The following GPX5 variants were observed in gnomAD, a reference collection of about 807,000 sequenced individuals.
The protein encoded by GPX5 is glutathione peroxidase 5, also known as epididymal secretory glutathione peroxidase.
In GPX5, 20 loss-of-function variants were observed where a neutral mutation model predicts 23.8. The ratio of observed to expected loss-of-function variants is 0.84; its 90% CI spans 0.59 to 1.22. The LOEUF is 1.22. GPX5 is among the 50% of genes most tolerant of loss of function. GPX5 has a pLI of 0.00. For missense variants in GPX5, 230 were observed against 266.6 expected (o/e 0.86, Z 0.96); for synonymous variants, 92 against 99.5 (o/e 0.92, Z 0.45).
rs1028087108 is a variant in GPX5 at position 28,526,088 on chromosome 6, G to A, written c.75G>A (p.Gln25=). 6.2e-7 allele frequency: 1 copy of A among 1,612,660 alleles called. No individual in the cohort carries two copies. Among genetic ancestry groups the A allele is most frequent in the Non-Finnish European group, 8.5e-7 (1 of 1,179,758 alleles). ...GCTTTGTGCAAACAAGTCCCAAGCA[G>A]GAGAAGATGAAGGTGAGTGAGCTTC... ...LACFVQTSPK[Q]EKMKMDCHKD... The change falls in exon 1 of 5, where the codon CAG becomes CAA. Residue 25 remains glutamine (Q), a synonymous_variant. Coordinates refer to ENST00000412168, the MANE Select transcript of GPX5 (RefSeq NM_001509.3).
At position 28,531,394 on chromosome 6, in the gene GPX5, GA is replaced by G. The variant is rs1333924196; in HGVS notation, c.242-380del. On this transcript the variant is annotated intron_variant, in intron 2 of 4. Transcript: ENST00000412168. ...TCAAAAAAAAAAAAAAAAAAAAAAA[GA>G]AAAGAAAAGAAAAGAAAAGAAAAGA... Among the ~76,000 whole-genome samples, 7 of 45,918 alleles carry G rather than the reference GA, an allele frequency of 1.5e-4. No homozygotes were observed. The South Asian group carries it at 3.9e-3, about 26-fold the overall frequency. 30.1% of individuals were successfully genotyped at this position (45,918 alleles called of 152,430 possible). A position where few individuals can be genotyped will look rare whatever the true frequency, so the allele number is the denominator to read the frequency against.
At chr6:28,533,831 G>GT in intron 4 of GPX5, 130 bp from the exon 5 acceptor site, 1 of 567,992 alleles carries the variant, frequency 1.8e-6, no homozygotes. Flanking sequence ...AATTTATGGA[G>GT]TTTTTTAGGA....
chr6:28,531,380 AAAAAAAAAAAAAAGAAAAG>A lies in GPX5; in HGVS notation c.242-393_242-375del, dbSNP rs1253041386. On this transcript the variant is annotated intron_variant, in intron 2 of 4. Coordinates refer to ENST00000412168, the MANE Select transcript of GPX5 (RefSeq NM_001509.3). Reference sequence around the variant, plus strand: ...AGTGAGAATCTGTCTCAAAAAAAAAAAAAAAAAAAAAAAGAAAAGAAAAGAAAAGAAAAGAAAAGAAAAG... The same window carrying A: ...AGTGAGAATCTGTCTCAAAAAAAAAAAAAAGAAAAGAAAAGAAAAGAAAAG... Among the ~76,000 whole-genome samples the A allele has an allele frequency of 2.0e-4, 27 of 133,994 alleles. 1 individual carries two copies. The highest frequency in any genetic ancestry group is 7.4e-4 in the African/African-American group (26 of 34,900). 87.9% of individuals were successfully genotyped at this position (133,994 alleles called of 152,430 possible). A position where few individuals can be genotyped will look rare whatever the true frequency, so the allele number is the denominator to read the frequency against.
chr6:28,530,776 G>A (rs1763297598), intron 2 of GPX5, among the ~76,000 whole-genome samples: 1 of 152,212 alleles, frequency 6.6e-6, no homozygotes, highest in Non-Finnish European at 1.5e-5. Context: ...GACATAGGGA[G>A]GGGTACTGAG....
chr6:28,532,194 A>G (rs1489446280), intron 3 of GPX5, 127 bp from the exon 4 acceptor site: 4 of 666,410 alleles, frequency 6.0e-6, no homozygotes, highest in Non-Finnish European at 1.0e-5. Context: ...ACATGGCCAT[A>G]TTCCTCCCCA....
intron 2 of GPX5, among the ~76,000 whole-genome samples, chr6:28,531,190 G>A (rs1357302272): frequency 7.5e-6 from 1 of 132,660 alleles, no homozygotes; most frequent in Non-Finnish European, 1.7e-5. Context: ...CTAACATGGC[G>A]AAACCCCGTC....
At chr6:28,532,676 C>T (rs1182666198) in intron 4 of GPX5, among the ~76,000 whole-genome samples, 1 of 152,220 alleles carries the variant, frequency 6.6e-6, no homozygotes, top group African/African-American at 2.4e-5. Context: ...CTCTTTTGCT[C>T]ATTGACATTC....
chr6:28,526,658 A>T (rs1160311260), intron 1 of GPX5, among the ~76,000 whole-genome samples: 1 of 152,224 alleles, frequency 6.6e-6, no homozygotes, highest in Non-Finnish European at 1.5e-5. Context: ...TCTATGCCCA[A>T]TTCATGGCTC....
intron 1 of GPX5, among the ~76,000 whole-genome samples, chr6:28,526,377 A>G (rs1203987540): frequency 6.6e-6 from 1 of 152,182 alleles, no homozygotes; most frequent in African/African-American, 2.4e-5. Context: ...CTCTCTGGCC[A>G]CATCAGTCTC....
At chr6:28,531,147 C>T (rs1311207058) in intron 2 of GPX5, among the ~76,000 whole-genome samples, 1 of 145,652 alleles carries the variant, frequency 6.9e-6, no homozygotes, top group East Asian at 1.9e-4. Flanking sequence ...CAGGGTGAGC[C>T]AGGCTGCACA....
chr6:28,533,988 T>C lies in GPX5; in HGVS notation c.487T>C (p.Leu163=), dbSNP rs1763375117. The C allele has an allele frequency of 6.3e-7, 1 of 1,599,208 alleles. No homozygotes were observed. Among genetic ancestry groups the C allele is most frequent in the Non-Finnish European group, 8.5e-7 (1 of 1,173,138 alleles). ...CTCCTGTCCTCATCCCTCTGAGATTTTGGGCACATTCAAATCTATATCCTG... is the reference window on the plus strand; with the variant it reads ...CTCCTGTCCTCATCCCTCTGAGATTCTGGGCACATTCAAATCTATATCCTG... ...KHSCPHPSEI[L]GTFKSISWDP... Residue 163 remains leucine (L), a synonymous_variant, in exon 5 of 5, where the codon TTG becomes CTG. Transcript: ENST00000412168.
chr6:28,526,285 A>G (rs1331178391), intron 1 of GPX5, among the ~76,000 whole-genome samples, 185 bp downstream of exon 1: 3 of 152,046 alleles, frequency 2.0e-5, no homozygotes, highest in Non-Finnish European at 4.4e-5. Context: ...TGCGTTGAAT[A>G]TGACTAGGGA....
chr6:28,531,659 A>G (rs917960856), intron 2 of GPX5, 119 bp from the exon 3 acceptor site: 11 of 689,276 alleles, frequency 1.6e-5, no homozygotes, highest in Non-Finnish European at 2.0e-5. Context: ...TCTGATGCAG[A>G]GCTGTTTCCC....
rs368865536 is a variant in GPX5 at position 28,534,190 on chromosome 6, G to A, written c.*23G>A. 2.0e-6 allele frequency: 3 copies of A among 1,518,706 alleles called. No individual in the cohort carries two copies. Among genetic ancestry groups the A allele is most frequent in the Non-Finnish European group, 2.7e-6 (3 of 1,127,466 alleles). 94.1% of individuals were successfully genotyped at this position (1,518,706 alleles called of 1,614,324 possible). On this transcript the variant is annotated 3_prime_UTR_variant, in exon 5 of 5. Coordinates refer to ENST00000412168, the MANE Select transcript of GPX5 (RefSeq NM_001509.3). ...TAGGAAGGTGGAGTTAAGGGCAGGA[G>A]CAACCCTACTTCTCACCTAATGACT... is the stretch of plus-strand genomic sequence containing the variant.
At chr6:28,530,224 C>T (rs1763288159) in intron 2 of GPX5, 1 of 152,172 alleles carries the variant, frequency 6.6e-6, no homozygotes, top group South Asian at 2.1e-4. Context: ...CAAATACTCC[C>T]TCTCCAACCT....
intron 2 of GPX5, 132 bp from the exon 3 acceptor site, chr6:28,531,646 C>G: frequency 3.0e-6 from 2 of 667,672 alleles, no homozygotes; most frequent in Non-Finnish European, 5.3e-6. Context: ...TACTAACAGC[C>G]CTTCTGATGC....
chr6:28,530,649 T>A (rs1763295590), intron 2 of GPX5, among the ~76,000 whole-genome samples: 1 of 152,232 alleles, frequency 6.6e-6, no homozygotes, highest in Non-Finnish European at 1.5e-5. Context: ...GATCATTTCC[T>A]CATTCTTTCT....
chr6:28,534,313 C>A lies in GPX5; in HGVS notation c.*146C>A. ...CTGAGTAAATCACCGCCACATACTG[C>A]CAGAATTCCCACTCTCCACAAACTA... On this transcript the variant is annotated 3_prime_UTR_variant, in exon 5 of 5. Coordinates refer to ENST00000412168, the MANE Select transcript of GPX5 (RefSeq NM_001509.3). The A allele has an allele frequency of 2.0e-6, 1 of 507,820 alleles. No homozygotes were observed. The highest frequency in any genetic ancestry group is 3.4e-6 in the Non-Finnish European group (1 of 291,850). 31.5% of individuals were successfully genotyped at this position (507,820 alleles called of 1,614,324 possible).
rs757328065 is a variant in GPX5, at chr6:28,534,105, G to T, written c.604G>T (p.Ala202Ser). 1 of 1,610,956 alleles carries T rather than the reference G, an allele frequency of 6.2e-7. No individual in the cohort carries two copies. Among genetic ancestry groups the T allele is most frequent in the African/African-American group, 1.3e-5 (1 of 74,812 alleles). ...CCCTGTCATGCGCTGGTCCCACCGG[G>T]CTACGGTCAGCTCAGTCAAGACAGA... is the stretch of plus-strand genomic sequence containing the variant. ...GIPVMRWSHR[A>S]TVSSVKTDIL... is the part of the protein sequence containing the mutation. Residue 202 changes from alanine to serine, a missense_variant, in exon 5 of 5, where the codon GCT becomes TCT. Transcript: ENST00000412168.
Sources: gnomAD v4.1 joint callset for allele counts (sites outside exome capture counted in the v4.1 genomes callset) on GRCh38, gnomAD v4.1.1 for gene constraint, MANE v1.5 for transcripts, NCBI Gene and HGNC (gene_info 2026-07-23, HGNC 2026-07-21) for gene names.